Variants in C19orf47 observed in about 807,000 individuals in gnomAD.
C19orf47 encodes chromosome 19 open reading frame 47, also known as uncharacterized protein C19orf47.
C19orf47 carries 18 observed loss-of-function variants against 32.3 expected under a neutral mutation model. The observed-to-expected ratio is 0.56, with a 90% CI of 0.39 to 0.83. C19orf47 has a LOEUF of 0.83. Among genes scored for constraint, C19orf47 ranks in the 40% least tolerant of loss-of-function variants. C19orf47 has a pLI of 0.00. For missense variants in C19orf47, 484 were observed against 531.6 expected (o/e 0.91, Z 0.88); for synonymous variants, 202 against 211.1 (o/e 0.96, Z 0.37).
At chr19:40,340,048 TATGGAGA>T (rs1212603819) in intron 2 of C19orf47, among the ~76,000 whole-genome samples, 1 of 149,194 alleles carries the variant, frequency 6.7e-6, no homozygotes, top group East Asian at 2.0e-4. Context: ...ATTTATTCCA[TATGGAGA>T]ATGGAGAAGA....
In C19orf47 at chr19:40,320,543, C is replaced by T. The variant is rs143025077; in HGVS notation, c.*1339G>A. ...TGAAGCCACATTCCCAACTTGGCCT[C>T]CATGTCACCCCTTCTGCAAGGCCTT... On this transcript the variant is annotated 3_prime_UTR_variant, in exon 9 of 9. Transcript: ENST00000683109. 6.5e-6 allele frequency: 1 copy of T among 154,822 alleles called. No homozygotes were observed. The highest frequency in any genetic ancestry group is 2.4e-5 in the African/African-American group (1 of 41,586). 9.6% of individuals were successfully genotyped at this position (154,822 alleles called of 1,614,324 possible).
chr19:40,341,389 T>C (rs1460378359), intron 2 of C19orf47, among the ~76,000 whole-genome samples: 1 of 151,972 alleles, frequency 6.6e-6, no homozygotes, highest in Non-Finnish European at 1.5e-5. Flanking sequence ...ATAATAAATG[T>C]CAAAATTTTT....
the C19orf47 span, among the ~76,000 whole-genome samples, chr19:40,306,815 G>A: frequency 2.3e-5 from 3 of 133,090 alleles, no homozygotes; most frequent in South Asian, 6.8e-4. Flanking sequence ...TTTTGAGACA[G>A]AGTCTTGCTG....
chr19:40,342,362 A>G (rs1465794685), intron 1 of C19orf47: 1 of 166,314 alleles, frequency 6.0e-6, no homozygotes, highest in Non-Finnish European at 1.3e-5. Context: ...ATCTCAATTG[A>G]CTGTTCATAG....
chr19:40,322,358 G>A lies in C19orf47; in HGVS notation c.682C>T (p.Arg228Cys), dbSNP rs1416802839. The change falls in exon 9 of 9, where the codon CGC becomes TGC. Residue 228 changes from arginine to cysteine, a missense_variant. Arg to Cys is a radical substitution (Grantham distance 180). This residue lies in a region of C19orf47 where 376 missense variants were observed against 370.2 expected (regional missense o/e 1.02). Coordinates refer to ENST00000683109, the MANE Select transcript of C19orf47 (RefSeq NM_001256441.2). ...TCCGTTTCTGGGGTGGCCCCCAGGC[G>A]GCTGAAGACTCCTGTGGGCTGTGGA... ...TGSKPTGVFS[R>C]LGATPETDED... 26 of 1,591,934 alleles carry A rather than the reference G, an allele frequency of 1.6e-5. No homozygotes were observed. Among genetic ancestry groups the A allele is most frequent in the South Asian group, 4.5e-5 (4 of 89,548 alleles).
intron 1 of C19orf47, 86 bp downstream of exon 1, chr19:40,348,238 G>C (rs1328395009): frequency 7.6e-6 from 7 of 922,068 alleles, no homozygotes; most frequent in African/African-American, 1.8e-5. Flanking sequence ...GCCGTACAAC[G>C]GAGCCCGAAC....
chr19:40,313,245 C>A, the C19orf47 span, among the ~76,000 whole-genome samples: 1 of 152,202 alleles, frequency 6.6e-6, no homozygotes, highest in African/African-American at 2.4e-5. Context: ...ATTTCATATC[C>A]TTTTAAGGAC....
chr19:40,295,159 T>A, the C19orf47 span, among the ~76,000 whole-genome samples: 6 of 151,854 alleles, frequency 4.0e-5, no homozygotes, highest in Admixed American at 3.9e-4. Context: ...GTAGCTGGGA[T>A]TACAGGTGCC....
rs763699312 is a variant in C19orf47, at chr19:40,322,167, T to G, written c.873A>C (p.Thr291=). ...TSSATTAAAP[T]LRRLALSSRS... is the part of the protein sequence containing the mutation. ...GTGAGGAAAGCGCCAGGCGCCGCAGTGTCGGGGCAGCAGCCGTTGTCGCTG... is the reference window on the plus strand; with the variant it reads ...GTGAGGAAAGCGCCAGGCGCCGCAGGGTCGGGGCAGCAGCCGTTGTCGCTG... Residue 291 remains threonine (T), a synonymous_variant, in exon 9 of 9, where the codon ACA becomes ACC. Transcript: ENST00000683109. 2.5e-6 allele frequency: 4 copies of G among 1,612,952 alleles called. No individual in the cohort carries two copies. The highest frequency in any genetic ancestry group is 2.2e-5 in the East Asian group (1 of 44,880).
intron 2 of C19orf47, among the ~76,000 whole-genome samples, chr19:40,339,645 T>C (rs867750999): frequency 6.6e-6 from 1 of 152,030 alleles, no homozygotes. Context: ...GTCTATAGAA[T>C]AGGAATGTCC....
At chr19:40,293,065 G>T in the C19orf47 span, among the ~76,000 whole-genome samples, 1 of 151,948 alleles carries the variant, frequency 6.6e-6, no homozygotes, top group Non-Finnish European at 1.5e-5. Context: ...AGGTCAGGAT[G>T]CTATATGATA....
intron 2 of C19orf47, among the ~76,000 whole-genome samples, chr19:40,337,896 A>T (rs1355934756): frequency 6.6e-6 from 1 of 152,108 alleles, no homozygotes; most frequent in Non-Finnish European, 1.5e-5. Context: ...TTGTGCAGGC[A>T]CCATCCACCT....
At chr19:40,305,762 C>T in the C19orf47 span, among the ~76,000 whole-genome samples, 1 of 152,088 alleles carries the variant, frequency 6.6e-6, no homozygotes, top group South Asian at 2.1e-4. Context: ...GTTATTGGGA[C>T]AATTGATGAA....
At chr19:40,310,177 T>A in the C19orf47 span, among the ~76,000 whole-genome samples, 43 of 152,090 alleles carry the variant, frequency 2.8e-4, no homozygotes, top group Non-Finnish European at 5.6e-4. Flanking sequence ...GAATATTATT[T>A]AGCCGATAAA....
intron 1 of C19orf47, among the ~76,000 whole-genome samples, chr19:40,344,244 C>A (rs909195084): frequency 2.0e-5 from 3 of 151,210 alleles, no homozygotes; most frequent in African/African-American, 7.3e-5. Flanking sequence ...TTTGGGAGGT[C>A]GAGGCAGGTG....
At chr19:40,317,478 T>G (rs2077669767), downstream of C19orf47, among the ~76,000 whole-genome samples, 1 of 151,502 alleles carries the variant, frequency 6.6e-6, no homozygotes, top group Non-Finnish European at 1.5e-5. Context: ...AAAAAAAAAA[T>G]CTACCCCTGT....
Position 40,328,402 on chromosome 19 carries a change from T to G in C19orf47, c.439+11A>C. On this transcript the variant is annotated intron_variant, in intron 6 of 8. Coordinates refer to ENST00000683109, the MANE Select transcript of C19orf47 (RefSeq NM_001256441.2). ...TCCAGCTCCTCCTACCACCTGCCCA[T>G]GTTCCCTCACCAGTGGCCTTGGCAC... is the stretch of plus-strand genomic sequence containing the variant. 1 of 1,611,724 alleles carries G rather than the reference T, an allele frequency of 6.2e-7. No homozygotes were observed. Among genetic ancestry groups the G allele is most frequent in the Non-Finnish European group, 8.5e-7 (1 of 1,179,018 alleles).
the C19orf47 span, among the ~76,000 whole-genome samples, chr19:40,308,798 A>ATTCTGGGCGTG: frequency 6.6e-6 from 1 of 151,250 alleles, no homozygotes; most frequent in Non-Finnish European, 1.5e-5. Context: ...ACAAAAGCAC[A>ATTCTGGGCGTG]GTGGCTCAAG....
intron 2 of C19orf47, among the ~76,000 whole-genome samples, chr19:40,341,067 C>T (rs1348908473): frequency 6.6e-6 from 1 of 151,614 alleles, no homozygotes; most frequent in Non-Finnish European, 1.5e-5. Context: ...GGCGCGGTGG[C>T]TCATGCCTGT....
Sources: gnomAD v4.1 joint callset for allele counts (sites outside exome capture counted in the v4.1 genomes callset) on GRCh38, gnomAD v4.1.1 for gene constraint, gnomAD v4.1.1 regional missense constraint, MANE v1.5 for transcripts, NCBI Gene and HGNC (gene_info 2026-07-23, HGNC 2026-07-21) for gene names.